PRKAG2: variants seen among roughly 807,000 people sequenced by gnomAD.
PRKAG2 encodes 5'-AMP-activated protein kinase subunit gamma-2.
Under a neutral mutation model 69.6 loss-of-function variants are expected in PRKAG2, and 26 were observed. The ratio of observed to expected loss-of-function variants is 0.37; its 90% CI spans 0.27 to 0.52. PRKAG2 has a LOEUF of 0.52. Among genes scored for constraint, PRKAG2 ranks in the 20% least tolerant of loss-of-function variants. The pLI is 0.90. For missense variants in PRKAG2, 557 were observed against 740.0 expected (o/e 0.75, Z 2.87); for synonymous variants, 293 against 285.0 (o/e 1.03, Z -0.28).
intron 1 of PRKAG2, among the ~76,000 whole-genome samples, chr7:151,822,305 C>T (rs1340260160): frequency 2.6e-5 from 4 of 151,716 alleles, no homozygotes; most frequent in South Asian, 2.1e-4. Flanking sequence ...GGGTCAAGGG[C>T]GGGGGGTGAC....
chr7:151,750,569 G>A (rs774965187), intron 3 of PRKAG2, among the ~76,000 whole-genome samples: 16 of 152,288 alleles, frequency 1.1e-4, no homozygotes, highest in Non-Finnish European at 2.1e-4. Context: ...AAAGGCAGAC[G>A]GCAGCTTAGC....
At chr7:151,770,413 T>C (rs1179604370) in intron 3 of PRKAG2, among the ~76,000 whole-genome samples, 5 of 152,192 alleles carry the variant, frequency 3.3e-5, no homozygotes, top group East Asian at 1.9e-4. Context: ...TGAATATTCA[T>C]AGCTCCTCCT....
At chr7:151,782,092 T>G (rs1037213747) in intron 2 of PRKAG2, among the ~76,000 whole-genome samples, 22 of 151,388 alleles carry the variant, frequency 1.5e-4, no homozygotes, top group Non-Finnish European at 2.8e-4. Flanking sequence ...GCCAACATGG[T>G]GAAACCCCAT....
chr7:151,638,783 A>G lies in PRKAG2; in HGVS notation c.685-6645T>C, dbSNP rs1380551327. Among the ~76,000 whole-genome samples, 1 of 152,246 alleles carries G rather than the reference A, an allele frequency of 6.6e-6. No homozygotes were observed. Among genetic ancestry groups the G allele is most frequent in the East Asian group, 1.9e-4 (1 of 5,196 alleles). On this transcript the variant is annotated intron_variant, in intron 4 of 15. Coordinates refer to ENST00000287878, the MANE Select transcript of PRKAG2 (RefSeq NM_016203.4). This position sits in a 1 kb window ranked among gnomAD's most constrained non-coding sequence, Gnocchi z 4.3. ...GCCAAAAAAGCACTCCTTTACGCACAGAGGTCGGATATGAGTTTGCTCTGC... is the reference window on the plus strand; with the variant it reads ...GCCAAAAAAGCACTCCTTTACGCACGGAGGTCGGATATGAGTTTGCTCTGC...
chr7:151,569,199 C>T (rs562654142), intron 10 of PRKAG2, among the ~76,000 whole-genome samples: 7 of 152,236 alleles, frequency 4.6e-5, no homozygotes, highest in South Asian at 2.1e-4. Context: ...TACAGGCATG[C>T]GCCACCTTTC....
rs914150849 is a variant in PRKAG2 at position 151,794,524 on chromosome 7, C to T, written c.115-7983G>A. Among the ~76,000 whole-genome samples the T allele has an allele frequency of 4.6e-5, 7 of 152,326 alleles. No homozygotes were observed. The South Asian group carries it at 8.3e-4, about 18-fold the overall frequency. ...CCGTGGCACTGGGCATGGCGAGGGC[C>T]GCTGGCCGAGGGCACACTGGGGCCT... On this transcript the variant is annotated intron_variant, in intron 1 of 15. Transcript: ENST00000287878.
At chr7:151,729,324 C>T (rs1586123885) in intron 3 of PRKAG2, among the ~76,000 whole-genome samples, 3 of 152,064 alleles carry the variant, frequency 2.0e-5, no homozygotes, top group African/African-American at 7.2e-5. Context: ...TGCCGCACCC[C>T]TAGGAGTCTT....
intron 3 of PRKAG2, among the ~76,000 whole-genome samples, chr7:151,760,983 T>C (rs57157172): frequency 0.059 from 8,966 of 152,278 alleles, 399 homozygotes; most frequent in African/African-American, 0.12. Flanking sequence ...AGGATGCTTA[T>C]CACCTACAAT....
At chr7:151,833,750 G>A (rs534469865) in intron 1 of PRKAG2, among the ~76,000 whole-genome samples, 4 of 152,332 alleles carry the variant, frequency 2.6e-5, no homozygotes, top group East Asian at 3.9e-4. Context: ...AGGTTGGCAC[G>A]AGGCAAGCCC....
intron 5 of PRKAG2, among the ~76,000 whole-genome samples, chr7:151,628,325 A>G (rs910294642): frequency 6.6e-6 from 1 of 152,230 alleles, no homozygotes; most frequent in African/African-American, 2.4e-5. Context: ...GGTCCTGGCC[A>G]GTAAGTTAGT....
intron 3 of PRKAG2, among the ~76,000 whole-genome samples, chr7:151,737,508 A>G (rs921984703): frequency 1.3e-5 from 2 of 152,138 alleles, no homozygotes; most frequent in Non-Finnish European, 2.9e-5. Flanking sequence ...GCCGCCCACT[A>G]GGGTGGGATA....
chr7:151,709,308 C>CTG (rs35266752), intron 3 of PRKAG2, among the ~76,000 whole-genome samples: 98,754 of 151,704 alleles, frequency 0.65, 33,600 homozygotes, highest in East Asian at 0.85. Context: ...GACATTGACA[C>CTG]TGACAATGAC....
intron 3 of PRKAG2, among the ~76,000 whole-genome samples, chr7:151,716,096 C>A (rs760527301): frequency 6.6e-6 from 1 of 152,122 alleles, no homozygotes; most frequent in Non-Finnish European, 1.5e-5. Flanking sequence ...GGCTTCAGTA[C>A]GCTCTTTTCT....
chr7:151,859,631 G>A (rs1159926221), intron 1 of PRKAG2, among the ~76,000 whole-genome samples: 1 of 152,178 alleles, frequency 6.6e-6, no homozygotes, highest in Non-Finnish European at 1.5e-5. Context: ...GCCCGGCTGG[G>A]TCTGCTGCCA....
At position 151,712,548 on chromosome 7, in the gene PRKAG2, T is replaced by G. The variant is rs183566877; in HGVS notation, c.467-36911A>C. Among the ~76,000 whole-genome samples, 503 of 152,366 alleles carry G rather than the reference T, an allele frequency of 3.3e-3. 1 individual carries two copies. Among genetic ancestry groups the G allele is most frequent in the African/African-American group, 0.012 (482 of 41,590 alleles). ...TCTGCTCTTGTTGGCCCTGATGAGCTGACACCCGGCCAGAGCCAAGCCCAG... is the reference window on the plus strand; with the variant it reads ...TCTGCTCTTGTTGGCCCTGATGAGCGGACACCCGGCCAGAGCCAAGCCCAG... On this transcript the variant is annotated intron_variant, in intron 3 of 15. Coordinates refer to ENST00000287878, the MANE Select transcript of PRKAG2 (RefSeq NM_016203.4).
At chr7:151,684,300 C>T (rs1423629238) in intron 3 of PRKAG2, among the ~76,000 whole-genome samples, 1 of 152,176 alleles carries the variant, frequency 6.6e-6, no homozygotes, top group African/African-American at 2.4e-5. Context: ...TTGTTTCCTG[C>T]CCCCAACGAT....
At chr7:151,808,253 C>G (rs1301812549) in intron 1 of PRKAG2, among the ~76,000 whole-genome samples, 9 of 152,212 alleles carry the variant, frequency 5.9e-5, no homozygotes, top group Admixed American at 5.9e-4. Flanking sequence ...CAAGGTGTAG[C>G]TGGCTGAACC....
chr7:151,857,758 T>G (rs1372014233), intron 1 of PRKAG2, among the ~76,000 whole-genome samples: 1 of 152,238 alleles, frequency 6.6e-6, no homozygotes, highest in Non-Finnish European at 1.5e-5. Context: ...TCACTGTTGC[T>G]CTTCTTTTCC....
intron 3 of PRKAG2, among the ~76,000 whole-genome samples, chr7:151,752,776 A>T (rs6970962): frequency 3.3e-5 from 5 of 152,076 alleles, no homozygotes; most frequent in East Asian, 1.9e-4. Context: ...CAAGAAATAC[A>T]TATCAATCCT....
Sources: gnomAD v4.1 joint callset for allele counts (sites outside exome capture counted in the v4.1 genomes callset) on GRCh38, gnomAD v4.1.1 for gene constraint, Gnocchi (gnomAD v3.1) non-coding constraint, MANE v1.5 for transcripts, NCBI Gene and HGNC (gene_info 2026-07-23, HGNC 2026-07-21) for gene names.